The following CCDC144A variants were observed in gnomAD, a reference collection of about 807,000 sequenced individuals.
CCDC144A encodes coiled-coil domain-containing protein 144A.
In CCDC144A, 41 loss-of-function variants were observed where a neutral mutation model predicts 143.8. The observed-to-expected ratio is 0.29, with a 90% CI of 0.22 to 0.37. CCDC144A has a LOEUF of 0.37. CCDC144A is among the 10% of genes least tolerant of loss of function. CCDC144A has a pLI of 1.00. For synonymous variants in CCDC144A, 242 were observed against 517.9 expected (o/e 0.47, Z 7.23); for missense variants, 637 against 1,488.8 (o/e 0.43, Z 9.41).
At chr17:16,729,233 A>G (rs1913588021) in intron 9 of CCDC144A, among the ~76,000 whole-genome samples, 3 of 152,200 alleles carry the variant, frequency 2.0e-5, no homozygotes, top group Admixed American at 2.0e-4. Flanking sequence ...CCTTTTCACC[A>G]CATCTGCACC....
At chr17:16,682,446 C>T in the CCDC144A span, among the ~76,000 whole-genome samples, 18 of 151,938 alleles carry the variant, frequency 1.2e-4, 1 homozygote, top group East Asian at 1.4e-3. Flanking sequence ...AGAAGTCAGA[C>T]GGTGCTGGGT....
At chr17:16,714,743 T>C (rs1810271926) in intron 6 of CCDC144A, among the ~76,000 whole-genome samples, 1 of 152,080 alleles carries the variant, frequency 6.6e-6, no homozygotes, top group South Asian at 2.1e-4. Context: ...ATCCATCTGA[T>C]TGCCTCCCAT....
upstream of CCDC144A, among the ~76,000 whole-genome samples, chr17:16,688,645 C>T (rs192635167): frequency 1.5e-3 from 223 of 151,866 alleles, 1 homozygote; most frequent in African/African-American, 4.7e-3. Flanking sequence ...CGTGCCAGCA[C>T]GCCCAACTAA....
At chr17:16,749,400 G>C (rs1567604958) in intron 12 of CCDC144A, among the ~76,000 whole-genome samples, 1 of 152,160 alleles carries the variant, frequency 6.6e-6, no homozygotes, top group Non-Finnish European at 1.5e-5. Context: ...GTGGTTTTCA[G>C]AGATCTTCTT....
chr17:16,714,380 A>G (rs563760511), intron 6 of CCDC144A, among the ~76,000 whole-genome samples: 1 of 152,302 alleles, frequency 6.6e-6, no homozygotes, highest in African/African-American at 2.4e-5. Context: ...ACCAGGTCCA[A>G]GATTGGGGTA....
chr17:16,667,383 G>A, the CCDC144A span, among the ~76,000 whole-genome samples: 3 of 150,586 alleles, frequency 2.0e-5, no homozygotes, highest in African/African-American at 7.3e-5. Flanking sequence ...GCTGAGGCTG[G>A]TGAGGGGCTT....
chr17:16,746,681 TAGTC>T (rs1205946841), intron 12 of CCDC144A: 2 of 1,610,796 alleles, frequency 1.2e-6, no homozygotes, highest in African/African-American at 2.7e-5. Context: ...GAACTCGAAG[TAGTC>T]GTGTGCTGGC....
At chr17:16,719,894 C>G (rs184685006) in intron 6 of CCDC144A, among the ~76,000 whole-genome samples, 402 of 152,230 alleles carry the variant, frequency 2.6e-3, no homozygotes, top group South Asian at 8.1e-3. Context: ...TCACGTAATG[C>G]AGGTAACATG....
chr17:16,734,929 C>A lies in CCDC144A; in HGVS notation c.2658C>A (p.Asn886Lys). ...TACTCCAGTACAGTGGACAGCTGAA[C>A]AATCTGACAGCTGAGAACAAAATAC... ...ETILQYSGQL[N>K]NLTAENKILN... The change falls in exon 12 of 17, where the codon AAC becomes AAA. Residue 886 changes from asparagine (N) to lysine (K), a missense_variant. Coordinates refer to ENST00000399273, the MANE Select transcript of CCDC144A (RefSeq NM_001382000.1). 6.3e-7 allele frequency: 1 copy of A among 1,587,602 alleles called. No individual in the cohort carries two copies. The highest frequency in any genetic ancestry group is 2.3e-5 in the East Asian group (1 of 44,134).
chr17:16,722,436 C>A (rs62073715), intron 8 of CCDC144A, among the ~76,000 whole-genome samples: 118 of 152,044 alleles, frequency 7.8e-4, no homozygotes, highest in African/African-American at 2.7e-3. Flanking sequence ...TCCCTGCCCC[C>A]ACACATGCAT....
At chr17:16,746,291 CTTTCTTCT>C (rs1652770124) in intron 12 of CCDC144A, 4 of 770,144 alleles carry the variant, frequency 5.2e-6, no homozygotes, top group Non-Finnish European at 5.5e-6. Context: ...TTTTTTGCAT[CTTTCTTCT>C]TTTCTTCTTT....
chr17:16,748,671 T>C (rs2621527), intron 12 of CCDC144A, among the ~76,000 whole-genome samples: 2 of 152,234 alleles, frequency 1.3e-5, no homozygotes, highest in African/African-American at 4.8e-5. Context: ...GTTAACAGCT[T>C]TTCTTTGTAT....
In CCDC144A at chr17:16,704,946, A is replaced by C. The variant is rs147844017; in HGVS notation, c.416-205A>C. On this transcript the variant is annotated intron_variant, in intron 2 of 16. Transcript: ENST00000399273. Reference sequence around the variant, plus strand: ...AATAGTAAGCAGTAAAAATGTAGAAAAGTGAGAGATGATAGTTAATTATAC... The same window carrying C: ...AATAGTAAGCAGTAAAAATGTAGAACAGTGAGAGATGATAGTTAATTATAC... 1.5e-3 allele frequency among the ~76,000 whole-genome samples: 227 copies of C among 152,300 alleles called. 3 individuals carry two copies. The East Asian group carries it at 0.016, about 11-fold the overall frequency.
the CCDC144A span, among the ~76,000 whole-genome samples, chr17:16,682,677 GAAA>G: frequency 2.0e-5 from 3 of 151,908 alleles, no homozygotes; most frequent in Admixed American, 2.0e-4. Context: ...TTCTATCAAA[GAAA>G]GTTTTGCAAA....
At chr17:16,755,403 A>T (rs533395404) in intron 12 of CCDC144A, among the ~76,000 whole-genome samples, 386 of 151,994 alleles carry the variant, frequency 2.5e-3, no homozygotes, top group Non-Finnish European at 4.3e-3. Context: ...TACCTGCTCT[A>T]CCAGTGAGTC....
intron 12 of CCDC144A, among the ~76,000 whole-genome samples, chr17:16,736,158 A>G (rs1913987308): frequency 6.6e-6 from 1 of 151,090 alleles, no homozygotes; most frequent in Non-Finnish European, 1.5e-5. Flanking sequence ...TTTTATTCAT[A>G]TCAATTTGAC....
chr17:16,687,344 A>G (rs1477958832), upstream of CCDC144A, among the ~76,000 whole-genome samples: 2 of 151,790 alleles, frequency 1.3e-5, no homozygotes, highest in Non-Finnish European at 2.9e-5. Flanking sequence ...ATGGTAGCCC[A>G]TCCCCCTCCC....
rs1915203635 is a variant in CCDC144A at position 16,758,454 on chromosome 17, C to CT, written c.3373-2971_3373-2970insT. On this transcript the variant is annotated intron_variant, in intron 12 of 16. Coordinates refer to ENST00000399273, the MANE Select transcript of CCDC144A (RefSeq NM_001382000.1). ...AGTGCATTTCTTGTCAACACAAAGA[C>CT]GTAAGAACTAAAGGGACAACTTGTC... Among the ~76,000 whole-genome samples the CT allele has an allele frequency of 3.3e-5, 5 of 152,204 alleles. No individual in the cohort carries two copies. In the South Asian group the frequency reaches 8.3e-4, roughly 25 times the overall value.
At chr17:16,745,729 C>T in intron 12 of CCDC144A, 1 of 1,613,956 alleles carries the variant, frequency 6.2e-7, no homozygotes, top group East Asian at 2.2e-5. Flanking sequence ...AAGTGAGCTC[C>T]TGGATCATAC....
Sources: gnomAD v4.1 joint callset for allele counts (sites outside exome capture counted in the v4.1 genomes callset) on GRCh38, gnomAD v4.1.1 for gene constraint, MANE v1.5 for transcripts, NCBI Gene and HGNC (gene_info 2026-07-23, HGNC 2026-07-21) for gene names.